The following TRABD2B variants were observed in gnomAD, a reference collection of about 807,000 sequenced individuals.
The protein encoded by TRABD2B is TraB domain containing 2B, also known as metalloprotease TIKI2.
A neutral mutation model predicts 40.1 loss-of-function variants in TRABD2B; 14 were observed. The ratio of observed to expected loss-of-function variants is 0.35; its 90% confidence interval spans 0.23 to 0.55. The LOEUF is 0.55. Ranked by LOEUF, TRABD2B falls within the 20% of genes least tolerant of loss-of-function variation. TRABD2B has a pLI of 0.90. For missense variants in TRABD2B, 541 were observed against 648.6 expected, an observed-to-expected ratio of 0.83 and a Z score of 1.80; for synonymous variants, 263 against 277.0, an observed-to-expected ratio of 0.95 and a Z score of 0.50.
At chr1:47,929,432 T>A (rs531045982) in intron 2 of TRABD2B, among the ~76,000 whole-genome samples, 1 of 152,220 alleles carries the variant, frequency 6.6e-6, no homozygotes, top group Non-Finnish European at 1.5e-5. Context: ...CTCTCTGAAC[T>A]GTTAAGCTCC....
Position 47,997,232 on chromosome 1 carries a change from G to C in TRABD2B, c.-443C>G. ...TGCGCGGCGCTCCAGGAGGCGCGCA[G>C]TGGGACAAGTGCGGCGGAAGGCGCG... On this transcript the variant is annotated 5_prime_UTR_variant, in exon 1 of 7. Transcript: ENST00000606738. 1.5e-5 allele frequency: 15 copies of C among 982,968 alleles called. No individual in the cohort carries two copies. Among genetic ancestry groups the C allele is most frequent in the Non-Finnish European group, 1.7e-5 (14 of 829,016 alleles). The allele number at this position is 982,968 out of a possible 1,614,324, so 60.9% of individuals were successfully genotyped here.
chr1:47,967,397 T>C (rs1645620009), intron 2 of TRABD2B, among the ~76,000 whole-genome samples: 1 of 150,720 alleles, frequency 6.6e-6, no homozygotes, highest in Admixed American at 6.6e-5. Flanking sequence ...TATCCAGAAG[T>C]CCACTATCTA....
intron 2 of TRABD2B, among the ~76,000 whole-genome samples, chr1:47,952,056 G>A (rs886320821): frequency 6.6e-6 from 1 of 152,156 alleles, no homozygotes; most frequent in African/African-American, 2.4e-5. Context: ...TATTGCAGAA[G>A]CCTTCTTCTG....
intron 2 of TRABD2B, among the ~76,000 whole-genome samples, chr1:47,812,986 T>C (rs1200320487): frequency 6.6e-6 from 1 of 152,154 alleles, no homozygotes; most frequent in Non-Finnish European, 1.5e-5. Flanking sequence ...CATGGAGGGA[T>C]AATGGTCTAC....
Position 47,802,928 on chromosome 1 carries a change from T to G in TRABD2B, c.667-1309A>C, listed in dbSNP as rs186676487. On this transcript the variant is annotated intron_variant, in intron 2 of 6. Transcript: ENST00000606738. ...CTCTTGAGTAGAGCCTCCAAGGCAG[T>G]AACCTGGACCCTGCTATGGTCAATA... Among the ~76,000 whole-genome samples, 264 of 152,232 alleles carry G rather than the reference T, an allele frequency of 1.7e-3. 1 individual carries two copies. The highest frequency in any genetic ancestry group is 6.0e-3 in the African/African-American group (251 of 41,524).
At position 47,814,594 on chromosome 1, in the gene TRABD2B, C is replaced by T. The variant is rs148354688; in HGVS notation, c.667-12975G>A. Among the ~76,000 whole-genome samples, 14 of 152,320 alleles carry T rather than the reference C, an allele frequency of 9.2e-5. No homozygotes were observed. In the East Asian group the frequency reaches 1.7e-3, roughly 19 times the overall value. ...CTTTCCTATTGCCCATTACTGCCCC[C>T]GCTCTCCTTCCCCGACTTTTGAATC... is the stretch of plus-strand genomic sequence containing the variant. On this transcript the variant is annotated intron_variant, in intron 2 of 6. Transcript: ENST00000606738.
At chr1:47,819,705 A>G (rs774332276) in intron 2 of TRABD2B, 2 of 152,160 alleles carry the variant, frequency 1.3e-5, no homozygotes, top group Non-Finnish European at 2.9e-5. Flanking sequence ...TTGAGAGAAC[A>G]AGGGCAATCA....
At chr1:47,831,613 G>C (rs558753348) in intron 2 of TRABD2B, among the ~76,000 whole-genome samples, 4 of 152,154 alleles carry the variant, frequency 2.6e-5, no homozygotes, top group African/African-American at 9.7e-5. Flanking sequence ...TCTTTATAAA[G>C]AGAGGAGAGT....
At chr1:47,915,429 C>T (rs984908778) in intron 2 of TRABD2B, among the ~76,000 whole-genome samples, 1 of 152,204 alleles carries the variant, frequency 6.6e-6, no homozygotes, top group Non-Finnish European at 1.5e-5. Context: ...CACCCAGGCC[C>T]TACATTGGAT....
At chr1:47,916,890 G>T (rs1255561664) in intron 2 of TRABD2B, among the ~76,000 whole-genome samples, 5 of 152,232 alleles carry the variant, frequency 3.3e-5, no homozygotes, top group Non-Finnish European at 7.3e-5. Context: ...AGGCACAGTC[G>T]AGAAAGCTCC....
chr1:47,834,964 C>G (rs1211713625), intron 2 of TRABD2B, among the ~76,000 whole-genome samples: 1 of 152,032 alleles, frequency 6.6e-6, no homozygotes, highest in Non-Finnish European at 1.5e-5. Flanking sequence ...GTTGGACTTA[C>G]TAGGCAAAGA....
intron 2 of TRABD2B, among the ~76,000 whole-genome samples, chr1:47,974,017 T>C (rs1259972620): frequency 1.3e-5 from 2 of 152,162 alleles, no homozygotes; most frequent in African/African-American, 2.4e-5. Context: ...GGTAGGAGGA[T>C]AGCTTGAGCC....
rs574618808 is a variant in TRABD2B at position 47,925,817 on chromosome 1, C to G, written c.666+68217G>C. Among the ~76,000 whole-genome samples, 6 of 152,328 alleles carry G rather than the reference C, an allele frequency of 3.9e-5. No individual in the cohort carries two copies. In the South Asian group the frequency reaches 1.2e-3, roughly 32 times the overall value. On this transcript the variant is annotated intron_variant, in intron 2 of 6. Transcript: ENST00000606738. ...TTACAAGTATCATTATCCTTTCTTA[C>G]AGAGACAAGAAAGAAATGTCTGAAA...
chr1:47,978,032 C>A (rs930787014), intron 2 of TRABD2B, among the ~76,000 whole-genome samples: 1 of 152,040 alleles, frequency 6.6e-6, no homozygotes, highest in Non-Finnish European at 1.5e-5. Flanking sequence ...ACAAAATTCT[C>A]CCCCAAATTT....
chr1:47,770,942 A>G (rs144995372), intron 6 of TRABD2B, among the ~76,000 whole-genome samples: 129 of 152,342 alleles, frequency 8.5e-4, no homozygotes, highest in African/African-American at 3.0e-3. Context: ...TACGAGCATC[A>G]TCTCACATAA....
Position 47,970,051 on chromosome 1 carries a change from A to G in TRABD2B, c.666+23983T>C, listed in dbSNP as rs192885460. Among the ~76,000 whole-genome samples the G allele has an allele frequency of 1.1e-3, 163 of 152,206 alleles. 2 individuals carry two copies. The highest frequency in any genetic ancestry group is 3.6e-3 in the African/African-American group (148 of 41,536). On this transcript the variant is annotated intron_variant, in intron 2 of 6. Transcript: ENST00000606738. ...TCTATCCAGCCCTGACCCCACACTC[A>G]AGCACTTACTCATTTTAAGAGCTCA...
intron 2 of TRABD2B, among the ~76,000 whole-genome samples, chr1:47,875,713 GAAGA>G (rs140621810): frequency 0.037 from 5,457 of 147,244 alleles, 384 homozygotes; most frequent in African/African-American, 0.13. Context: ...AGAAGGAAAG[GAAGA>G]AAGAAAGAAA....
intron 5 of TRABD2B, among the ~76,000 whole-genome samples, chr1:47,777,871 C>G (rs1487656995): frequency 6.6e-6 from 1 of 152,180 alleles, no homozygotes; most frequent in Admixed American, 6.5e-5. Context: ...GGTCCCTACC[C>G]TCGGGCAGCT....
chr1:47,936,990 A>G (rs1037380296), intron 2 of TRABD2B, among the ~76,000 whole-genome samples: 3 of 151,146 alleles, frequency 2.0e-5, no homozygotes, highest in Non-Finnish European at 3.0e-5. Context: ...CACCACCATC[A>G]TGATCACCAC....
Sources: gnomAD v4.1 joint callset for allele counts (sites outside exome capture counted in the v4.1 genomes callset) on GRCh38, gnomAD v4.1.1 for gene constraint, MANE v1.5 for transcripts, NCBI Gene and HGNC (gene_info 2026-07-23, HGNC 2026-07-21) for gene names.